CYFIP1: variants seen among roughly 807,000 people sequenced by gnomAD.
The protein encoded by CYFIP1 is cytoplasmic FMR1 interacting protein 1, also known as cytoplasmic FMR1-interacting protein 1.
A neutral mutation model predicts 163.5 loss-of-function variants in CYFIP1; 58 were observed. That is an observed-to-expected ratio of 0.35 (90% CI 0.29 to 0.44). The LOEUF (loss-of-function observed/expected upper bound fraction) is 0.44, where lower values mean the gene tolerates loss of function less well. CYFIP1 is among the 20% of genes least tolerant of loss of function. The pLI is 1.00. For synonymous variants in CYFIP1, 663 were observed against 660.7 expected (o/e 1.00, Z -0.05); for missense variants, 1,338 against 1,653.8 (o/e 0.81, Z 3.31).
chr15:22,889,798 G>C (rs1449509990), intron 23 of CYFIP1, among the ~76,000 whole-genome samples: 1 of 152,146 alleles, frequency 6.6e-6, no homozygotes, highest in Non-Finnish European at 1.5e-5. Flanking sequence ...TCAAAGTCAA[G>C]AGAAGCCCAG....
intron 1 of CYFIP1, among the ~76,000 whole-genome samples, chr15:22,952,637 AGAGT>A (rs1432839133): frequency 1.8e-5 from 2 of 112,674 alleles, no homozygotes; most frequent in Admixed American, 1.2e-4. Flanking sequence ...CCCCAGCGAC[AGAGT>A]GAGGTGAGAC....
intron 1 of CYFIP1, among the ~76,000 whole-genome samples, chr15:22,966,943 G>A (rs975097696): frequency 2.0e-5 from 3 of 151,802 alleles, no homozygotes; most frequent in South Asian, 2.1e-4. Context: ...ACACACAGAC[G>A]GTGGCGCATG....
At chr15:22,876,891 G>A (rs2059601806) in intron 26 of CYFIP1, among the ~76,000 whole-genome samples, 1 of 151,740 alleles carries the variant, frequency 6.6e-6, no homozygotes, top group Non-Finnish European at 1.5e-5. Context: ...TTTCCAAAAA[G>A]GGCAGCTGGA....
intron 1 of CYFIP1, among the ~76,000 whole-genome samples, chr15:22,957,729 C>T (rs769447070): frequency 7.4e-4 from 113 of 152,192 alleles, no homozygotes; most frequent in African/African-American, 1.7e-3. Flanking sequence ...TTTCTGCAAA[C>T]GTGCACAAGG....
chr15:22,969,026 A>G (rs556526169), intron 1 of CYFIP1, among the ~76,000 whole-genome samples: 33 of 152,330 alleles, frequency 2.2e-4, no homozygotes, highest in African/African-American at 7.7e-4. Flanking sequence ...TGTCCTGGCC[A>G]GGAAAACATG....
intron 21 of CYFIP1, among the ~76,000 whole-genome samples, chr15:22,908,505 AAAG>A (rs1356573840): frequency 6.8e-6 from 1 of 146,856 alleles, no homozygotes; most frequent in Non-Finnish European, 1.5e-5. Flanking sequence ...CTTGGTCCCT[AAAG>A]AAGATATTTC....
In CYFIP1 at chr15:22,879,980, A is replaced by T; in HGVS notation, c.2975T>A (p.Val992Glu). The T allele has an allele frequency of 6.2e-7, 1 of 1,613,752 alleles. No homozygotes were observed. The highest frequency in any genetic ancestry group is 1.3e-5 in the African/African-American group (1 of 74,946). ...CACCTCCCGCAGGTTCTGGAAGCAC[A>T]CCGTCTTCAGCTCTGCGTACTCCAC... ...DIVEYAELKT[V>E]CFQNLREVGN... is the part of the protein sequence containing the mutation. The change falls in exon 26 of 31, where the codon GTG (valine) becomes GAG (glutamate). Residue 992 changes from valine (V) to glutamate (E), a missense_variant. By Grantham distance (121) the Val-to-Glu change is moderately radical. This residue lies in a region of CYFIP1 where 22 missense variants were observed against 47.7 expected (regional missense o/e 0.46). Transcript: ENST00000617928.
chr15:22,881,573 G>A (rs189977079), intron 25 of CYFIP1, among the ~76,000 whole-genome samples: 39 of 152,156 alleles, frequency 2.6e-4, no homozygotes, highest in Admixed American at 1.8e-3. Flanking sequence ...CCCAGCAGTC[G>A]GCTCTCTCGC....
At chr15:22,952,446 G>A (rs1415941803) in intron 1 of CYFIP1, among the ~76,000 whole-genome samples, 1 of 151,924 alleles carries the variant, frequency 6.6e-6, no homozygotes, top group Non-Finnish European at 1.5e-5. Flanking sequence ...ACGAGGTCAG[G>A]AGTTCGAGAC....
rs1034727691 is a variant in CYFIP1, at chr15:22,867,982, A to ATT, written c.*2044_*2045dup. The ATT allele has an allele frequency of 6.6e-6, 1 of 152,252 alleles. No homozygotes were observed. The highest frequency in any genetic ancestry group is 1.5e-5 in the Non-Finnish European group (1 of 68,042). The allele number at this position is 152,252 out of a possible 1,614,324, so 9.4% of individuals were successfully genotyped here. A position where few individuals can be genotyped will look rare whatever the true frequency, so the allele number is the denominator to read the frequency against. ...CATTGACTGGCCTTTAAAAAAAAGT[A>ATT]TTGGCAGAATTAATTTCCACCTAGG... On this transcript the variant is annotated 3_prime_UTR_variant, in exon 31 of 31. Coordinates refer to ENST00000617928, the MANE Select transcript of CYFIP1 (RefSeq NM_014608.6).
intron 18 of CYFIP1, among the ~76,000 whole-genome samples, 194 bp downstream of exon 18, chr15:22,911,985 C>T (rs746314554): frequency 2.6e-5 from 4 of 152,184 alleles, no homozygotes; most frequent in East Asian, 3.8e-4. Flanking sequence ...CAGTGACACA[C>T]GGTCAAGTGA....
intron 1 of CYFIP1, among the ~76,000 whole-genome samples, chr15:22,968,596 CCTGA>C (rs1457180630): frequency 6.6e-6 from 1 of 152,270 alleles, no homozygotes; most frequent in East Asian, 1.9e-4. Context: ...TCTGGAGAAC[CCTGA>C]CTAATACATC....
At chr15:22,914,967 G>A (rs1224689357) in intron 16 of CYFIP1, 85 bp from the exon 17 acceptor site, 14 of 1,400,170 alleles carry the variant, frequency 1.0e-5, no homozygotes, top group African/African-American at 4.3e-5. Flanking sequence ...TGTGTGCTGG[G>A]TGCCTGCTCC....
intron 25 of CYFIP1, among the ~76,000 whole-genome samples, chr15:22,880,419 C>T (rs930561585): frequency 2.6e-5 from 4 of 152,270 alleles, no homozygotes; most frequent in South Asian, 2.1e-4. Context: ...TGGAAGGGGC[C>T]GCACCTAATC....
At chr15:22,951,310 T>C (rs2062241472) in intron 1 of CYFIP1, 2 of 1,137,218 alleles carry the variant, frequency 1.8e-6, no homozygotes, top group Non-Finnish European at 2.2e-6. Context: ...GCAGAAACTC[T>C]CGTCCACTTC....
intron 23 of CYFIP1, among the ~76,000 whole-genome samples, chr15:22,885,330 A>C (rs1258421588): frequency 6.6e-6 from 1 of 152,306 alleles, no homozygotes; most frequent in East Asian, 1.9e-4. Flanking sequence ...GCTAAAGTGT[A>C]GTAAAAGTGA....
chr15:22,872,726 C>G, intron 30 of CYFIP1, 99 bp downstream of exon 30: 2 of 1,288,056 alleles, frequency 1.6e-6, no homozygotes, highest in Non-Finnish European at 2.2e-6. Flanking sequence ...ACCTTACGTA[C>G]TAGGATGAAA....
At chr15:22,934,247 C>T (rs947398101) in intron 9 of CYFIP1, among the ~76,000 whole-genome samples, 4 of 115,660 alleles carry the variant, frequency 3.5e-5, no homozygotes, top group Admixed American at 1.2e-4. Context: ...AGTGCAGTGG[C>T]GTGATCTCGG....
intron 1 of CYFIP1, among the ~76,000 whole-genome samples, chr15:22,957,306 T>C (rs1295056841): frequency 6.6e-6 from 1 of 152,032 alleles, no homozygotes; most frequent in African/African-American, 2.4e-5. Context: ...ATCTAGACAA[T>C]CCTGGCTAAC....
Sources: allele counts gnomAD v4.1 joint callset (sites outside exome capture counted in the v4.1 genomes callset), GRCh38; gene constraint gnomAD v4.1.1; regional missense constraint gnomAD v4.1.1; transcripts MANE v1.5; gene names NCBI Gene and HGNC (gene_info 2026-07-23, HGNC 2026-07-21).